The following ROBO1 variants were observed in gnomAD, a reference collection of about 807,000 sequenced individuals.
ROBO1 encodes roundabout guidance receptor 1, also known as roundabout homolog 1.
Under a neutral mutation model 195.9 loss-of-function variants are expected in ROBO1, and 149 were observed. That is an observed-to-expected ratio of 0.76 (90% CI 0.67 to 0.87). The LOEUF is 0.87. Ranked by LOEUF, ROBO1 falls within the 40% of genes least tolerant of loss-of-function variation. The pLI, the probability that ROBO1 is intolerant of heterozygous loss-of-function variation, is 0.00. For missense variants in ROBO1, 1,933 were observed against 2,068.3 expected, an observed-to-expected ratio of 0.93 and a Z score of 1.27; for synonymous variants, 816 against 733.2, an observed-to-expected ratio of 1.11 and a Z score of -1.82.
chr3:78,943,096 G>C (rs1173910102), intron 3 of ROBO1, among the ~76,000 whole-genome samples: 3 of 151,824 alleles, frequency 2.0e-5, no homozygotes, highest in Middle Eastern at 3.2e-3. Context: ...GGCGCCTGTA[G>C]TCCCAGCTAC....
rs573927675 is a variant in ROBO1 at position 78,652,823 on chromosome 3, T to C, written c.2615-894A>G. Among the ~76,000 whole-genome samples the C allele has an allele frequency of 7.2e-5, 11 of 152,294 alleles. No individual in the cohort carries two copies. In the East Asian group the frequency reaches 1.9e-3, roughly 27 times the overall value. On this transcript the variant is annotated intron_variant, in intron 18 of 30. Coordinates refer to ENST00000464233, the MANE Select transcript of ROBO1 (RefSeq NM_002941.4). ...GTTTACATTTATGTTTTAAGTCTAC[T>C]GAGTTTTTTTCAAGCCCACCATAAC...
chr3:79,220,558 T>A (rs893519645), intron 2 of ROBO1, among the ~76,000 whole-genome samples: 5 of 151,982 alleles, frequency 3.3e-5, no homozygotes, highest in African/African-American at 9.7e-5. Context: ...GTGTGTGGAA[T>A]CAGTCTTTAA....
At chr3:78,768,172 G>A (rs915607020) in intron 4 of ROBO1, among the ~76,000 whole-genome samples, 8 of 151,604 alleles carry the variant, frequency 5.3e-5, no homozygotes, top group Non-Finnish European at 1.0e-4. Context: ...TCTTGATTTC[G>A]TTTTTGACCA....
chr3:79,719,651 T>A (rs958566992), intron 1 of ROBO1, among the ~76,000 whole-genome samples: 2 of 152,162 alleles, frequency 1.3e-5, no homozygotes, highest in Non-Finnish European at 2.9e-5. Context: ...GTTATGTCGC[T>A]TTCATATCAT....
At chr3:79,169,948 G>A (rs2108689714) in intron 2 of ROBO1, among the ~76,000 whole-genome samples, 1 of 152,240 alleles carries the variant, frequency 6.6e-6, no homozygotes, top group South Asian at 2.1e-4. Context: ...ATTATTCAGA[G>A]CTTTGAAGTA....
intron 1 of ROBO1, among the ~76,000 whole-genome samples, chr3:79,689,292 C>A (rs1448404314): frequency 6.6e-6 from 1 of 151,912 alleles, no homozygotes; most frequent in East Asian, 1.9e-4. Context: ...GTGTGAAAAT[C>A]TGTTTTATTG....
intron 2 of ROBO1, among the ~76,000 whole-genome samples, chr3:79,156,578 G>A (rs755094663): frequency 6.6e-6 from 1 of 151,704 alleles, no homozygotes; most frequent in South Asian, 2.1e-4. Flanking sequence ...TTTGGTTATG[G>A]GGTAGACAAT....
chr3:78,832,176 A>C (rs2032286120), intron 4 of ROBO1, among the ~76,000 whole-genome samples: 1 of 152,204 alleles, frequency 6.6e-6, no homozygotes, highest in Non-Finnish European at 1.5e-5. Flanking sequence ...CCATCTTTCT[A>C]TTCATTTGAA....
In ROBO1 at chr3:79,017,472, T is replaced by TGTGTGTGG. The variant is rs1159477376; in HGVS notation, c.173-78546_173-78545insCCACACAC. On this transcript the variant is annotated intron_variant, in intron 3 of 30. Transcript: ENST00000464233. ...TGCAGTGTGTGTGTGTGTGTGTGTG[T>TGTGTGTGG]GTGTGTGTGTGTGTGTGTGTGTTTT... Among the ~76,000 whole-genome samples, 112 of 150,530 alleles carry TGTGTGTGG rather than the reference T, an allele frequency of 7.4e-4. 1 individual carries two copies. Among genetic ancestry groups the TGTGTGTGG allele is most frequent in the African/African-American group, 2.6e-3 (108 of 41,216 alleles).
chr3:79,609,164 CACAA>C (rs1944579641), intron 1 of ROBO1, among the ~76,000 whole-genome samples: 1 of 151,688 alleles, frequency 6.6e-6, no homozygotes, highest in Non-Finnish European at 1.5e-5. Context: ...GTTTTAGCAG[CACAA>C]ACAGACTAAG....
At chr3:79,304,390 G>C (rs1045131508) in intron 2 of ROBO1, among the ~76,000 whole-genome samples, 1 of 152,106 alleles carries the variant, frequency 6.6e-6, no homozygotes, top group Non-Finnish European at 1.5e-5. Context: ...ACCTGCAATA[G>C]ACTGCGGCTA....
At chr3:79,019,324 C>A (rs1268746101) in intron 3 of ROBO1, 6 of 985,762 alleles carry the variant, frequency 6.1e-6, no homozygotes, top group Non-Finnish European at 7.2e-6. Context: ...TCCCGGCTCT[C>A]CCCGGGGTGG....
chr3:78,808,639 T>C (rs998777518), intron 4 of ROBO1, among the ~76,000 whole-genome samples: 1 of 152,188 alleles, frequency 6.6e-6, no homozygotes, highest in African/African-American at 2.4e-5. Context: ...ATAGCTTCAA[T>C]GGCTTAAATT....
chr3:78,898,489 G>A (rs1366904219), intron 4 of ROBO1, among the ~76,000 whole-genome samples: 9 of 144,090 alleles, frequency 6.2e-5, no homozygotes, highest in African/African-American at 2.1e-4. Flanking sequence ...CTGGGTTCAC[G>A]CAATTCTCCT....
intron 2 of ROBO1, among the ~76,000 whole-genome samples, chr3:79,576,709 C>A (rs950972714): frequency 6.6e-6 from 1 of 151,758 alleles, no homozygotes; most frequent in African/African-American, 2.4e-5. Context: ...TGAAAGCTTA[C>A]AAAAATGAAA....
At chr3:79,566,595 T>C (rs1943096925) in intron 2 of ROBO1, among the ~76,000 whole-genome samples, 1 of 152,070 alleles carries the variant, frequency 6.6e-6, no homozygotes, top group Non-Finnish European at 1.5e-5. Flanking sequence ...ACAGTTATAT[T>C]TGTGGCATCA....
At chr3:78,719,390 G>C (rs565758071) in intron 5 of ROBO1, among the ~76,000 whole-genome samples, 1 of 151,574 alleles carries the variant, frequency 6.6e-6, no homozygotes, top group African/African-American at 2.4e-5. Context: ...TAAAGAAAAC[G>C]TCACACAAAA....
chr3:79,172,494 G>A (rs568841449), intron 2 of ROBO1, among the ~76,000 whole-genome samples: 199 of 152,248 alleles, frequency 1.3e-3, no homozygotes, highest in Non-Finnish European at 2.1e-3. Flanking sequence ...ACACTTCACA[G>A]GGACAGTTGA....
chr3:79,651,830 A>G (rs1946018648), intron 1 of ROBO1, among the ~76,000 whole-genome samples: 1 of 152,190 alleles, frequency 6.6e-6, no homozygotes, highest in Non-Finnish European at 1.5e-5. Context: ...TTAAGTGTCA[A>G]AGAAGATCAC....
Sources: allele counts gnomAD v4.1 joint callset (sites outside exome capture counted in the v4.1 genomes callset), GRCh38; gene constraint gnomAD v4.1.1; transcripts MANE v1.5; gene names NCBI Gene and HGNC (gene_info 2026-07-23, HGNC 2026-07-21).